ZNF44: variants seen among roughly 807,000 people sequenced by gnomAD.
ZNF44 encodes zinc finger protein 44.
A neutral mutation model predicts 11.7 loss-of-function variants in ZNF44; 9 were observed. That is an observed-to-expected ratio of 0.77 (90% CI 0.46 to 1.35). The LOEUF is 1.35. Ranked by LOEUF, ZNF44 falls within the 40% of genes most tolerant of loss-of-function variation. The pLI is 0.00. For synonymous variants in ZNF44, 224 were observed against 242.7 expected, an observed-to-expected ratio of 0.92 and a Z score of 0.72; for missense variants, 696 against 743.1, an observed-to-expected ratio of 0.94 and a Z score of 0.74.
chr19:12,266,465 T>G (rs1031966471), intron 5 of ZNF44, among the ~76,000 whole-genome samples: 6 of 152,162 alleles, frequency 3.9e-5, no homozygotes, highest in African/African-American at 1.4e-4. Context: ...CCCCGCCTGC[T>G]GCCCTACAGC....
downstream of ZNF44, among the ~76,000 whole-genome samples, chr19:12,268,459 A>G (rs559320031): frequency 3.0e-4 from 46 of 152,330 alleles, no homozygotes; most frequent in African/African-American, 1.1e-3. Context: ...ACATTATACT[A>G]GTAAATCTGG....
At chr19:12,278,728 G>GAA (rs34953684) in intron 1 of ZNF44, among the ~76,000 whole-genome samples, 1 of 143,752 alleles carries the variant, frequency 7.0e-6, no homozygotes, top group Admixed American at 7.0e-5. Flanking sequence ...CTATTTCAAG[G>GAA]AAAAAAAAAA....
Position 12,273,850 on chromosome 19 carries a change from T to C in ZNF44, c.405A>G (p.Glu135=), listed in dbSNP as rs1238078174. 6.2e-7 allele frequency: 1 copy of C among 1,614,216 alleles called. No individual in the cohort carries two copies. Among genetic ancestry groups the C allele is most frequent in the South Asian group, 1.1e-5 (1 of 91,084 alleles). The change falls in exon 4 of 4, where the codon GAA becomes GAG. Residue 135 remains glutamate (E), a synonymous_variant. Coordinates refer to ENST00000355684, the MANE Select transcript of ZNF44 (RefSeq NM_016264.4). ...TATGTGTATATGACTTCTCTGCATA[T>C]TCATGACACTCCCGGTGTTTGTGTC... The part of the protein sequence containing the change: ...DTGHKHRECH[E]YAEKSYTHKQ...
Position 12,272,887 on chromosome 19 carries a change from A to C in ZNF44, c.1368T>G (p.Ala456=). Residue 456 remains alanine, a synonymous_variant, in exon 4 of 4, where the codon GCT becomes GCG. Coordinates refer to ENST00000355684, the MANE Select transcript of ZNF44 (RefSeq NM_016264.4). ...EQPYKCKCGK[A]FSDLFSFQSH... is the part of the protein sequence containing the mutation. ...TTTGAAAGGAAAATAAATCACTAAAAGCTTTTCCACATTTACATTTATAGG... is the reference window on the plus strand; with the variant it reads ...TTTGAAAGGAAAATAAATCACTAAACGCTTTTCCACATTTACATTTATAGG... 1.9e-6 allele frequency: 3 copies of C among 1,613,836 alleles called. No individual in the cohort carries two copies. Among genetic ancestry groups the C allele is most frequent in the Non-Finnish European group, 2.5e-6 (3 of 1,179,956 alleles).
intron 1 of ZNF44, chr19:12,234,979 C>T (rs932340654): frequency 1.3e-5 from 2 of 152,246 alleles, no homozygotes; most frequent in African/African-American, 4.8e-5. Flanking sequence ...GCTCTCTCTG[C>T]TGCAGAGAGA....
At chr19:12,294,590 C>G in intron 1 of ZNF44, 102 bp downstream of exon 1, 1 of 1,489,970 alleles carries the variant, frequency 6.7e-7, no homozygotes. Flanking sequence ...GTCCCAGACC[C>G]CAAAGACGCT....
intron 2 of ZNF44, among the ~76,000 whole-genome samples, chr19:12,231,181 C>T (rs968786917): frequency 5.9e-5 from 9 of 152,126 alleles, no homozygotes; most frequent in Admixed American, 3.3e-4. Flanking sequence ...TCTCATCTTA[C>T]CTCCACCTAC....
At chr19:12,237,045 CTAAA>C (rs1321360574) in intron 1 of ZNF44, 1 of 152,256 alleles carries the variant, frequency 6.6e-6, no homozygotes, top group Non-Finnish European at 1.5e-5. Flanking sequence ...TTGCTCTTGG[CTAAA>C]TAGTTAAATA....
chr19:12,275,651 AAAAG>A (rs1435365077), intron 2 of ZNF44, among the ~76,000 whole-genome samples: 2 of 152,208 alleles, frequency 1.3e-5, no homozygotes, highest in Non-Finnish European at 2.9e-5. Context: ...ATCTCAAAAA[AAAAG>A]AAAAAAAATT....
intron 1 of ZNF44, chr19:12,293,091 A>C (rs1478451189): frequency 1.0e-6 from 1 of 971,314 alleles, no homozygotes; most frequent in East Asian, 2.8e-5. Flanking sequence ...GGTGGTCTTG[A>C]ACCCCTGACC....
At chr19:12,241,723 C>CAG (rs1179209937), upstream of ZNF44, among the ~76,000 whole-genome samples, 5 of 152,240 alleles carry the variant, frequency 3.3e-5, no homozygotes, top group Admixed American at 6.5e-5. Flanking sequence ...AGCAGGGACT[C>CAG]AGACACATAC....
intron 1 of ZNF44, among the ~76,000 whole-genome samples, chr19:12,293,952 T>C (rs2145778756): frequency 6.6e-6 from 1 of 151,450 alleles, no homozygotes; most frequent in East Asian, 1.9e-4. Flanking sequence ...GGAGGCGAGA[T>C]TGCAGTTAGA....
intron 1 of ZNF44, among the ~76,000 whole-genome samples, chr19:12,291,948 T>A (rs1456536973): frequency 6.8e-6 from 1 of 146,766 alleles, no homozygotes; most frequent in African/African-American, 2.5e-5. Context: ...ACCAAGATAG[T>A]ACCATTGCAC....
exon 8 of ZNF44, chr19:12,247,992 T>C (rs763418776): frequency 9.7e-6 from 13 of 1,343,682 alleles, no homozygotes; most frequent in Non-Finnish European, 1.3e-5. Flanking sequence ...AGCAGAGTTG[T>C]GATATACGAA....
chr19:12,235,285 C>T (rs1916338553), intron 1 of ZNF44, among the ~76,000 whole-genome samples: 1 of 152,080 alleles, frequency 6.6e-6, no homozygotes, highest in Admixed American at 6.5e-5. Flanking sequence ...AGGAGAATGG[C>T]GTGAACCTGG....
intron 1 of ZNF44, among the ~76,000 whole-genome samples, chr19:12,292,855 G>GTTTTTTTTT (rs71166664): frequency 1.0e-4 from 8 of 76,936 alleles, no homozygotes; most frequent in Non-Finnish European, 1.2e-4. Flanking sequence ...CAGAGGTTAG[G>GTTTTTTTTT]TTTTTTTTTT....
chr19:12,253,882 T>A (rs560033609), intron 5 of ZNF44, among the ~76,000 whole-genome samples: 4 of 152,002 alleles, frequency 2.6e-5, no homozygotes, highest in African/African-American at 9.6e-5. Flanking sequence ...GGGAGGCTGA[T>A]GCAGGAGAAT....
chr19:12,236,592 G>A (rs1916397490), intron 1 of ZNF44, among the ~76,000 whole-genome samples: 1 of 152,214 alleles, frequency 6.6e-6, no homozygotes, highest in Non-Finnish European at 1.5e-5. Flanking sequence ...CAGCCTGCAA[G>A]TTAAATATTT....
chr19:12,289,612 T>G (rs1482911416), intron 1 of ZNF44, among the ~76,000 whole-genome samples: 1 of 151,884 alleles, frequency 6.6e-6, no homozygotes, highest in East Asian at 1.9e-4. Flanking sequence ...CTCTTCTCCC[T>G]TATGTAGCGC....
Sources: allele counts gnomAD v4.1 joint callset (sites outside exome capture counted in the v4.1 genomes callset), GRCh38; gene constraint gnomAD v4.1.1; transcripts MANE v1.5; gene names NCBI Gene and HGNC (gene_info 2026-07-23, HGNC 2026-07-21).